Variants in ADCY9 observed in about 807,000 individuals in gnomAD.
ADCY9 encodes the protein adenylate cyclase type 9.
ADCY9 carries 50 observed loss-of-function variants against 101.5 expected under a neutral mutation model. The ratio of observed to expected loss-of-function variants is 0.49; its 90% CI spans 0.39 to 0.62. ADCY9 has a LOEUF of 0.62. Ranked by LOEUF, ADCY9 falls within the 20% of genes least tolerant of loss-of-function variation. The probability of loss-of-function intolerance (pLI) is 0.00; values close to 1 mark genes in which losing one functional copy is unlikely to be tolerated. For missense variants in ADCY9, 1,662 were observed against 1,800.4 expected (o/e 0.92, Z 1.39); for synonymous variants, 905 against 769.3 (o/e 1.18, Z -2.92).
intron 9 of ADCY9, 60 bp downstream of exon 9, chr16:3,977,422 C>A (rs2072346): frequency 6.6e-7 from 1 of 1,525,110 alleles, no homozygotes; most frequent in Non-Finnish European, 8.8e-7. Context: ...CCAGGCCCTA[C>A]GCAACCTCGG....
chr16:4,022,875 T>G (rs759162468), intron 2 of ADCY9, among the ~76,000 whole-genome samples: 15 of 152,216 alleles, frequency 9.9e-5, no homozygotes, highest in Non-Finnish European at 2.2e-4. Context: ...CAACACATAA[T>G]AAGCTCCTGA....
At chr16:4,048,128 A>G (rs1432541404) in intron 2 of ADCY9, among the ~76,000 whole-genome samples, 1 of 82,124 alleles carries the variant, frequency 1.2e-5, no homozygotes. Flanking sequence ...GTTCCCTGTC[A>G]TTTTTGGGGG....
chr16:4,092,975 GT>G (rs1230229180), intron 2 of ADCY9, among the ~76,000 whole-genome samples: 3 of 152,072 alleles, frequency 2.0e-5, no homozygotes, highest in Non-Finnish European at 4.4e-5. Context: ...AATGATCTCA[GT>G]TTTTTTAAAA....
rs537634612 is a variant in ADCY9 at position 4,038,382 on chromosome 16, AGG to A, written c.1694-30826_1694-30825del. The stretch of plus-strand genomic sequence containing the variant: ...TGAAGACCCTAATACGAGAGGGCTT[AGG>A]GGTGAGCAACCGCATGAAAGGCCTG... On this transcript the variant is annotated intron_variant, in intron 2 of 10. Coordinates refer to ENST00000294016, the MANE Select transcript of ADCY9 (RefSeq NM_001116.4). Among the ~76,000 whole-genome samples the A allele has an allele frequency of 3.6e-4, 54 of 152,084 alleles. No homozygotes were observed. In the East Asian group the frequency reaches 7.2e-3, roughly 20 times the overall value.
intron 2 of ADCY9, among the ~76,000 whole-genome samples, chr16:4,049,320 G>A (rs565856342): frequency 6.6e-6 from 1 of 152,156 alleles, no homozygotes; most frequent in African/African-American, 2.4e-5. Context: ...CTGCAGTGGA[G>A]AGAAAGTCGG....
chr16:4,025,151 T>C (rs11076801), intron 2 of ADCY9, among the ~76,000 whole-genome samples: 132,773 of 151,994 alleles, frequency 0.87, 58,710 homozygotes, highest in Non-Finnish European at 0.95. Flanking sequence ...TCACCTGAGC[T>C]CAGGAGTTTG....
chr16:4,016,427 G>C (rs1160598638), intron 2 of ADCY9, among the ~76,000 whole-genome samples: 1 of 152,182 alleles, frequency 6.6e-6, no homozygotes, highest in East Asian at 1.9e-4. Context: ...ACAGACGGGA[G>C]GGAGGGGGAT....
At chr16:4,051,582 C>CA (rs1327479901) in intron 2 of ADCY9, among the ~76,000 whole-genome samples, 2 of 151,148 alleles carry the variant, frequency 1.3e-5, no homozygotes, top group Non-Finnish European at 1.5e-5. Context: ...ATGAACACAT[C>CA]AAAAGAACAC....
intron 2 of ADCY9, among the ~76,000 whole-genome samples, chr16:4,019,583 C>T (rs1206404452): frequency 2.0e-5 from 3 of 152,220 alleles, no homozygotes; most frequent in African/African-American, 7.2e-5. Flanking sequence ...CCTGGAGCTT[C>T]AGTCAGCAGC....
At chr16:4,083,010 C>A (rs568003164) in intron 2 of ADCY9, among the ~76,000 whole-genome samples, 2 of 152,246 alleles carry the variant, frequency 1.3e-5, no homozygotes, top group African/African-American at 4.8e-5. Context: ...CACTTTGTGC[C>A]ACAAGGGAAG....
rs2057152936 is a variant in ADCY9 at position 4,116,418 on chromosome 16, G to C, written c.-772C>G. 6.9e-6 allele frequency among the ~76,000 whole-genome samples: 1 copy of C among 145,908 alleles called. No individual in the cohort carries two copies. On this transcript the variant is annotated 5_prime_UTR_variant, in exon 1 of 11. Transcript: ENST00000294016. ...AAGAGCTGCCGCCGCCACCATCTCC[G>C]GCCCCTGCCCCGCCCGCTGTCACTG...
intron 2 of ADCY9, among the ~76,000 whole-genome samples, chr16:4,012,664 C>T (rs1174487573): frequency 1.3e-5 from 2 of 152,094 alleles, no homozygotes; most frequent in Non-Finnish European, 2.9e-5. Flanking sequence ...TCCTGTCTGA[C>T]GGGGGAATTT....
chr16:3,957,974 T>A (rs1210569141), downstream of ADCY9, among the ~76,000 whole-genome samples: 2 of 151,788 alleles, frequency 1.3e-5, no homozygotes, highest in Non-Finnish European at 2.9e-5. Context: ...ATAAAGAAGG[T>A]CAGAGGGAGA....
chr16:4,029,290 A>G (rs116525942), intron 2 of ADCY9, among the ~76,000 whole-genome samples: 125 of 152,324 alleles, frequency 8.2e-4, no homozygotes, highest in African/African-American at 2.9e-3. Context: ...AAGTGGATCA[A>G]TTTTATGGTA....
chr16:4,037,407 G>A (rs1473084687), intron 2 of ADCY9, among the ~76,000 whole-genome samples: 2 of 152,162 alleles, frequency 1.3e-5, no homozygotes, highest in African/African-American at 4.8e-5. Context: ...TCCCCTTGAT[G>A]GCTGGACAGT....
At chr16:3,998,585 T>A (rs1418545321) in intron 3 of ADCY9, among the ~76,000 whole-genome samples, 1 of 151,254 alleles carries the variant, frequency 6.6e-6, no homozygotes, top group African/African-American at 2.4e-5. Flanking sequence ...GGTGCACACC[T>A]GTAGTTTCAG....
intron 2 of ADCY9, among the ~76,000 whole-genome samples, chr16:4,055,128 C>G (rs2056728671): frequency 6.6e-6 from 1 of 152,182 alleles, no homozygotes; most frequent in Non-Finnish European, 1.5e-5. Flanking sequence ...AGTACAGGCC[C>G]CAGCACTGTG....
chr16:4,020,191 G>A (rs1036506971), intron 2 of ADCY9, among the ~76,000 whole-genome samples: 1 of 152,184 alleles, frequency 6.6e-6, no homozygotes, highest in Non-Finnish European at 1.5e-5. Context: ...CTGACCACTC[G>A]AAATGTAGCT....
In ADCY9 at chr16:4,115,905, C is replaced by A; in HGVS notation, c.-259G>T. 2.6e-6 allele frequency: 1 copy of A among 392,068 alleles called. No individual in the cohort carries two copies. Among genetic ancestry groups the A allele is most frequent in the South Asian group, 1.3e-4 (1 of 7,778 alleles). The allele number at this position is 392,068 out of a possible 1,614,324, so 24.3% of individuals were successfully genotyped here. A position where few individuals can be genotyped will look rare whatever the true frequency, so the allele number is the denominator to read the frequency against. Reference sequence around the variant, plus strand: ...GCCTGCGCACAAACAACTCCGCTGGCGGCGCGGAGCCCTCCATCCTGCAGG... The same window carrying A: ...GCCTGCGCACAAACAACTCCGCTGGAGGCGCGGAGCCCTCCATCCTGCAGG... On this transcript the variant is annotated 5_prime_UTR_variant, in exon 1 of 11. Transcript: ENST00000294016. This position sits in a 1 kb window ranked among gnomAD's most constrained non-coding sequence, Gnocchi z 6.2.
Sources: gnomAD v4.1 joint callset for allele counts (sites outside exome capture counted in the v4.1 genomes callset) on GRCh38, gnomAD v4.1.1 for gene constraint, Gnocchi (gnomAD v3.1) non-coding constraint, MANE v1.5 for transcripts, NCBI Gene and HGNC (gene_info 2026-07-23, HGNC 2026-07-21) for gene names.